The following ADCY1 variants were observed in gnomAD, a reference collection of about 807,000 sequenced individuals.
The protein encoded by ADCY1 is adenylate cyclase 1.
ADCY1 carries 28 observed loss-of-function variants against 105.4 expected under a neutral mutation model. The observed-to-expected ratio is 0.27, with a 90% CI of 0.20 to 0.36. ADCY1 has a LOEUF of 0.36. Ranked by LOEUF, ADCY1 falls within the 10% of genes least tolerant of loss-of-function variation. The pLI, the probability that ADCY1 is intolerant of heterozygous loss-of-function variation, is 1.00. For synonymous variants in ADCY1, 655 were observed against 623.8 expected (o/e 1.05, Z -0.75); for missense variants, 977 against 1,434.2 (o/e 0.68, Z 5.15).
chr7:45,645,383 C>G (rs191569543), intron 4 of ADCY1, among the ~76,000 whole-genome samples: 149 of 152,182 alleles, frequency 9.8e-4, no homozygotes, highest in Admixed American at 1.4e-3. Context: ...CAGCAATGTC[C>G]TTTTCTGCGG....
chr7:45,574,153 C>G (rs1792240617), upstream of ADCY1: 7 of 984,922 alleles, frequency 7.1e-6, no homozygotes, highest in South Asian at 3.3e-4. This position sits in a 1 kb window ranked among gnomAD's most constrained non-coding sequence, Gnocchi z 7.0. Flanking sequence ...CCACTGTGCA[C>G]GGTGGGGAAA....
intron 3 of ADCY1, among the ~76,000 whole-genome samples, chr7:45,619,554 CAT>C (rs968424942): frequency 2.0e-4 from 30 of 152,142 alleles, no homozygotes; most frequent in Admixed American, 9.2e-4. Context: ...TACACACACA[CAT>C]ATACGTAACA....
chr7:45,711,752 T>C (rs1785242967), intron 19 of ADCY1, among the ~76,000 whole-genome samples: 1 of 142,710 alleles, frequency 7.0e-6, no homozygotes, highest in Admixed American at 7.2e-5. Flanking sequence ...TACGTGTGTG[T>C]ATATACATAT....
intron 3 of ADCY1, 128 bp downstream of exon 3, chr7:45,610,625 G>C: frequency 1.2e-6 from 1 of 810,324 alleles, no homozygotes; most frequent in Non-Finnish European, 2.1e-6. Context: ...GAATGGGGGT[G>C]TGGAGGTAAT....
intron 1 of ADCY1, among the ~76,000 whole-genome samples, chr7:45,577,785 G>A (rs990142068): frequency 1.3e-5 from 2 of 152,238 alleles, no homozygotes; most frequent in Non-Finnish European, 2.9e-5. Context: ...TCCTGGTGCT[G>A]AGCCCAGTGA....
intron 19 of ADCY1, among the ~76,000 whole-genome samples, chr7:45,712,035 A>G (rs1387549161): frequency 7.9e-6 from 1 of 127,040 alleles, no homozygotes; most frequent in East Asian, 2.1e-4. Context: ...TATACTAAAT[A>G]TATATTTTAT....
At chr7:45,632,732 T>C (rs1345794912) in intron 4 of ADCY1, among the ~76,000 whole-genome samples, 1 of 151,498 alleles carries the variant, frequency 6.6e-6, no homozygotes, top group East Asian at 1.9e-4. Context: ...CCCAGCTAAT[T>C]TTTAAATTTT....
rs769249208 is a variant in ADCY1, at chr7:45,685,014, T to A, written c.2019T>A (p.Thr673=). The A allele has an allele frequency of 6.2e-7, 1 of 1,614,258 alleles. No homozygotes were observed. The highest frequency in any genetic ancestry group is 1.3e-5 in the African/African-American group (1 of 75,074). ...GGTGCCTGACGATTCAGATTCGCAC[T>A]GTCCTGTGTATTTTCATAGTGGTCT... ...FPGCLTIQIR[T]VLCIFIVVLI... The change falls in exon 12 of 20, where the codon ACT becomes ACA. Residue 673 remains threonine (T), a synonymous_variant. Transcript: ENST00000297323.
chr7:45,642,116 C>T (rs1794542343), intron 4 of ADCY1, among the ~76,000 whole-genome samples: 1 of 152,040 alleles, frequency 6.6e-6, no homozygotes, highest in Non-Finnish European at 1.5e-5. Flanking sequence ...AGAGGGCATG[C>T]ATGCCATGCC....
At chr7:45,650,113 C>T (rs1223007656) in intron 5 of ADCY1, among the ~76,000 whole-genome samples, 4 of 152,146 alleles carry the variant, frequency 2.6e-5, no homozygotes, top group African/African-American at 7.2e-5. Context: ...TTGTATGTTG[C>T]ATCTCAGATG....
At chr7:45,688,645 TCACA>T (rs942365609) in intron 14 of ADCY1, among the ~76,000 whole-genome samples, 2 of 151,934 alleles carry the variant, frequency 1.3e-5, no homozygotes, top group Non-Finnish European at 2.9e-5. Flanking sequence ...TATACATACA[TCACA>T]CACACACACT....
At chr7:45,639,069 C>G (rs566852433) in intron 4 of ADCY1, among the ~76,000 whole-genome samples, 12 of 152,132 alleles carry the variant, frequency 7.9e-5, no homozygotes, top group Non-Finnish European at 1.5e-4. Context: ...CTGTGACGTG[C>G]AGGCTTGGAA....
rs563578953 is a variant in ADCY1 at position 45,600,919 on chromosome 7, C to G, written c.789+8011C>G. Among the ~76,000 whole-genome samples, 3 of 152,228 alleles carry G rather than the reference C, an allele frequency of 2.0e-5. No homozygotes were observed. In the South Asian group the frequency reaches 6.2e-4, roughly 32 times the overall value. ...TTACCTCATTTTAATTTAATACCTC[C>G]CTAAAGGCCCTATCTTCAAATATAG... On this transcript the variant is annotated intron_variant, in intron 2 of 19. Transcript: ENST00000297323.
At chr7:45,576,280 C>T (rs1267581620) in intron 1 of ADCY1, among the ~76,000 whole-genome samples, 2 of 152,152 alleles carry the variant, frequency 1.3e-5, no homozygotes, top group Non-Finnish European at 2.9e-5. Context: ...AGCCCGGCCC[C>T]GGGGGACCAG....
rs867251552 is a variant in ADCY1, at chr7:45,692,226, A to G, written c.2454+5553A>G. ...ACACCCTTTGCCCATCTGAGAGTGC[A>G]CACACAGCCTCTGGCAGGCATCCAC... On this transcript the variant is annotated intron_variant, in intron 14 of 19. Transcript: ENST00000297323. Among the ~76,000 whole-genome samples the G allele has an allele frequency of 1.2e-4, 19 of 152,354 alleles. No individual in the cohort carries two copies. The Middle Eastern group carries it at 0.014, about 109-fold the overall frequency.
intron 2 of ADCY1, among the ~76,000 whole-genome samples, chr7:45,596,128 C>T (rs1246681986): frequency 6.6e-6 from 1 of 152,262 alleles, no homozygotes; most frequent in Non-Finnish European, 1.5e-5. Flanking sequence ...CAGCCCTGCC[C>T]AGGCCTCATG....
chr7:45,642,450 G>A (rs1267059913), intron 4 of ADCY1, among the ~76,000 whole-genome samples: 1 of 152,110 alleles, frequency 6.6e-6, no homozygotes, highest in Non-Finnish European at 1.5e-5. Flanking sequence ...AGCTAGTCTT[G>A]GGATTTCCCT....
chr7:45,704,071 T>C (rs1324659196), intron 16 of ADCY1, among the ~76,000 whole-genome samples: 1 of 151,950 alleles, frequency 6.6e-6, no homozygotes, highest in Non-Finnish European at 1.5e-5. Context: ...GGTGGGTGCC[T>C]CCAGGCCCTT....
intron 14 of ADCY1, among the ~76,000 whole-genome samples, chr7:45,690,681 C>T (rs905582311): frequency 1.3e-5 from 2 of 152,220 alleles, no homozygotes; most frequent in Non-Finnish European, 2.9e-5. Flanking sequence ...CACATACCTG[C>T]CCTGGAAGGG....
Sources: allele counts gnomAD v4.1 joint callset (sites outside exome capture counted in the v4.1 genomes callset), GRCh38; gene constraint gnomAD v4.1.1; non-coding constraint Gnocchi (gnomAD v3.1); transcripts MANE v1.5; gene names NCBI Gene and HGNC (gene_info 2026-07-23, HGNC 2026-07-21).